AS3MT: variants seen among roughly 807,000 people sequenced by gnomAD.
The protein encoded by AS3MT is S-adenosyl-L-methionine:arsenic(III) methyltransferase.
Under a neutral mutation model 45.3 loss-of-function variants are expected in AS3MT, and 47 were observed. That is an observed-to-expected ratio of 1.04 (90% confidence interval 0.82 to 1.32). The LOEUF is 1.32. AS3MT is among the 40% of genes most tolerant of loss of function. AS3MT has a pLI of 0.00. For synonymous variants in AS3MT, 141 were observed against 152.8 expected, an observed-to-expected ratio of 0.92 and a Z score of 0.57; for missense variants, 396 against 451.1, an observed-to-expected ratio of 0.88 and a Z score of 1.11.
At chr10:102,900,216 A>C (rs918007969) in intron 10 of AS3MT, among the ~76,000 whole-genome samples, 7 of 152,212 alleles carry the variant, frequency 4.6e-5, no homozygotes, top group Admixed American at 4.6e-4. Context: ...GTTTGGTATA[A>C]ATGTTTCTGG....
intron 6 of AS3MT, 26 bp downstream of exon 6, chr10:102,874,687 T>C (rs1564790899): frequency 1.3e-6 from 2 of 1,521,954 alleles, no homozygotes; most frequent in Admixed American, 1.7e-5. Context: ...AGATAAATTA[T>C]CTTTGAACAT....
chr10:102,873,354 C>T, intron 5 of AS3MT, 121 bp downstream of exon 5: 1 of 745,026 alleles, frequency 1.3e-6, no homozygotes, highest in Admixed American at 4.1e-5. Context: ...AATGTCAGCT[C>T]ACGATAACCT....
chr10:102,901,092 C>CAAAAAAAAAAAAAAAAAAAAAAAAAA lies in AS3MT; in HGVS notation c.*411_*412insAAAAAAAAAAAAAAAAAAAAAAAAAA. On this transcript the variant is annotated 3_prime_UTR_variant, in exon 11 of 11. Coordinates refer to ENST00000369880, the MANE Select transcript of AS3MT (RefSeq NM_020682.4). ...ACAGAGCAAGACTCTGTCTCAAAAG[C>CAAAAAAAAAAAAAAAAAAAAAAAAAA]AAAAAAAAAAAAAAAAAAAGAAAGA... is the stretch of plus-strand genomic sequence containing the variant. 1 of 75,874 alleles carries CAAAAAAAAAAAAAAAAAAAAAAAAAA rather than the reference C, an allele frequency of 1.3e-5. No homozygotes were observed. 4.7% of individuals were successfully genotyped at this position (75,874 alleles called of 1,614,324 possible). A position where few individuals can be genotyped will look rare whatever the true frequency, so the allele number is the denominator to read the frequency against.
Position 102,873,137 on chromosome 10 carries a change from A to G in AS3MT, c.362A>G (p.Lys121Arg), listed in dbSNP as rs750599990. 1 of 1,606,858 alleles carries G rather than the reference A, an allele frequency of 6.2e-7. No homozygotes were observed. The highest frequency in any genetic ancestry group is 1.1e-5 in the South Asian group (1 of 88,766). The change falls in exon 5 of 11, where the codon AAA (lysine) becomes AGA (arginine). Residue 121 changes from lysine to arginine, a missense_variant. By Grantham distance (26) the Lys-to-Arg change is conservative. Transcript: ENST00000369880. Reference sequence around the variant, plus strand: ...AAGTATCTTGACTATCACATGGAAAAATATGGCTTCCAGGCATCTAATGTG... The same window carrying G: ...AAGTATCTTGACTATCACATGGAAAGATATGGCTTCCAGGCATCTAATGTG... ...AEKYLDYHME[K>R]YGFQASNVTF...
In AS3MT at chr10:102,878,467, C is replaced by T. The variant is rs749421863; in HGVS notation, c.699C>T (p.Ala233=). The change falls in exon 8 of 11, where the codon GCC becomes GCT. Residue 233 remains alanine (A), a synonymous_variant. Coordinates refer to ENST00000369880, the MANE Select transcript of AS3MT (RefSeq NM_020682.4). ...TCTGCCCTCCACGTTTGGTCACTGC[C>T]AATCTCATTACAATTCAAAACAAGG... The part of the protein sequence containing the change: ...IGFCPPRLVT[A]NLITIQNKEL... 6.3e-5 allele frequency: 102 copies of T among 1,613,954 alleles called. 1 individual carries two copies. In the Middle Eastern group the frequency reaches 9.9e-4, roughly 16 times the overall value.
At chr10:102,876,484 C>A (rs114274162) in intron 6 of AS3MT, among the ~76,000 whole-genome samples, 1,763 of 152,034 alleles carry the variant, frequency 0.012, 32 homozygotes, top group African/African-American at 0.04. Context: ...TGCTGTGTTG[C>A]CAAGGCTAGT....
In AS3MT at chr10:102,900,612, T is replaced by C; in HGVS notation, c.1040T>C (p.Phe347Ser). Residue 347 changes from phenylalanine (F) to serine (S), a missense_variant, in exon 11 of 11, where the codon TTT becomes TCT. By Grantham distance (155) the Phe-to-Ser change is radical (BLOSUM62 -2). Transcript: ENST00000369880. ...TGACAGGATATAATCACAGATCCATTTAAGCTTGCAGAAGAGTCTGACAGT... is the reference window on the plus strand; with the variant it reads ...TGACAGGATATAATCACAGATCCATCTAAGCTTGCAGAAGAGTCTGACAGT... ...LELKDIITDP[F>S]KLAEESDSMK... The C allele has an allele frequency of 6.2e-7, 1 of 1,614,042 alleles. No individual in the cohort carries two copies. The highest frequency in any genetic ancestry group is 8.5e-7 in the Non-Finnish European group (1 of 1,179,902).
At chr10:102,877,587 A>T (rs1245117974) in intron 7 of AS3MT, among the ~76,000 whole-genome samples, 2 of 150,066 alleles carry the variant, frequency 1.3e-5, no homozygotes, top group African/African-American at 4.9e-5. Flanking sequence ...AGAAAAAATT[A>T]CTAAGCTGGA....
Position 102,901,842 on chromosome 10 carries a change from C to T in AS3MT, c.*1142C>T, listed in dbSNP as rs1845275169. 6.6e-6 allele frequency: 1 copy of T among 151,978 alleles called. No homozygotes were observed. The highest frequency in any genetic ancestry group is 2.1e-4 in the South Asian group (1 of 4,816). The allele number at this position is 151,978 out of a possible 1,614,324, so 9.4% of individuals were successfully genotyped here. On this transcript the variant is annotated 3_prime_UTR_variant, in exon 11 of 11. Coordinates refer to ENST00000369880, the MANE Select transcript of AS3MT (RefSeq NM_020682.4). ...GAGGACTTTTGAGGTAGCTTTTGAA[C>T]AAATGTTTTTTTCTTTTTTCTTTTT...
At chr10:102,877,602 G>A (rs1004653431) in intron 7 of AS3MT, among the ~76,000 whole-genome samples, 2 of 149,618 alleles carry the variant, frequency 1.3e-5, no homozygotes, top group Non-Finnish European at 3.0e-5. Context: ...GCTGGACACA[G>A]TGGCACACAC....
At chr10:102,869,931 C>G in intron 2 of AS3MT, 86 bp downstream of exon 2, 1 of 1,584,344 alleles carries the variant, frequency 6.3e-7, no homozygotes. Flanking sequence ...CCCCGGGACT[C>G]CTGGAGTCGG....
intron 10 of AS3MT, among the ~76,000 whole-genome samples, chr10:102,894,435 A>T (rs941054382): frequency 1.5e-5 from 2 of 132,958 alleles, no homozygotes; most frequent in African/African-American, 2.7e-5. Flanking sequence ...AAAATAAAAA[A>T]AAATAAAAAA....
In AS3MT at chr10:102,873,144, C is replaced by T; in HGVS notation, c.369C>T (p.Gly123=). The T allele has an allele frequency of 6.2e-7, 1 of 1,607,946 alleles. No individual in the cohort carries two copies. The part of the protein sequence containing the change: ...KYLDYHMEKY[G]FQASNVTFIH... Reference sequence around the variant, plus strand: ...TTGACTATCACATGGAAAAATATGGCTTCCAGGCATCTAATGTGACTTTTA... The same window carrying T: ...TTGACTATCACATGGAAAAATATGGTTTCCAGGCATCTAATGTGACTTTTA... The change falls in exon 5 of 11, where the codon GGC becomes GGT. Residue 123 remains glycine (G), a synonymous_variant. Coordinates refer to ENST00000369880, the MANE Select transcript of AS3MT (RefSeq NM_020682.4).
At chr10:102,874,499 A>C (rs1844750269) in intron 5 of AS3MT, 93 bp from the exon 6 acceptor site, 3 of 899,458 alleles carry the variant, frequency 3.3e-6, no homozygotes, top group Non-Finnish European at 5.4e-6. Context: ...TAGCTTTGAC[A>C]GAACGGTGGG....
At chr10:102,884,559 T>C (rs1205817057) in intron 9 of AS3MT, among the ~76,000 whole-genome samples, 1 of 152,072 alleles carries the variant, frequency 6.6e-6, no homozygotes, top group Non-Finnish European at 1.5e-5. Flanking sequence ...TTTTTGTTTG[T>C]TTTTGAGATG....
chr10:102,900,229 A>C (rs1845248387), intron 10 of AS3MT, among the ~76,000 whole-genome samples: 1 of 152,214 alleles, frequency 6.6e-6, no homozygotes, highest in Non-Finnish European at 1.5e-5. Context: ...GTTTCTGGAG[A>C]TTAGAATAAG....
rs371405354 is a variant in AS3MT, at chr10:102,871,329, G to A, written c.170+1118G>A. Among the ~76,000 whole-genome samples the A allele has an allele frequency of 3.3e-5, 5 of 152,050 alleles. No homozygotes were observed. In the South Asian group the frequency reaches 1.0e-3, roughly 32 times the overall value. On this transcript the variant is annotated intron_variant, in intron 3 of 10. Coordinates refer to ENST00000369880, the MANE Select transcript of AS3MT (RefSeq NM_020682.4). Reference sequence around the variant, plus strand: ...TGGGAGGCCGAGGCGGGAGGATCACGAGGCCAGGAGATCGAGACCATCCTG... The same window carrying A: ...TGGGAGGCCGAGGCGGGAGGATCACAAGGCCAGGAGATCGAGACCATCCTG...
chr10:102,871,650 C>T (rs1489527968), intron 3 of AS3MT, among the ~76,000 whole-genome samples: 3 of 148,828 alleles, frequency 2.0e-5, no homozygotes, highest in African/African-American at 4.9e-5. Context: ...ATGGTGTCAA[C>T]CCGGGAGGCG....
At chr10:102,898,315 G>A (rs1845213171) in intron 10 of AS3MT, among the ~76,000 whole-genome samples, 1 of 151,142 alleles carries the variant, frequency 6.6e-6, no homozygotes, top group Non-Finnish European at 1.5e-5. Flanking sequence ...GCAGCATCTG[G>A]CTGGGCGTGG....
Sources: gnomAD v4.1 joint callset for allele counts (sites outside exome capture counted in the v4.1 genomes callset) on GRCh38, gnomAD v4.1.1 for gene constraint, MANE v1.5 for transcripts, NCBI Gene and HGNC (gene_info 2026-07-23, HGNC 2026-07-21) for gene names.